Variants in DDX10 observed in about 807,000 individuals in gnomAD.
The protein encoded by DDX10 is probable ATP-dependent RNA helicase DDX10.
A neutral mutation model predicts 104.3 loss-of-function variants in DDX10; 74 were observed. The ratio of observed to expected loss-of-function variants is 0.71; its 90% CI spans 0.59 to 0.86. The LOEUF (loss-of-function observed/expected upper bound fraction) is 0.86. Ranked by LOEUF, DDX10 falls within the 40% of genes least tolerant of loss-of-function variation. DDX10 has a pLI of 0.00. For synonymous variants in DDX10, 351 were observed against 353.4 expected, an observed-to-expected ratio of 0.99 and a Z score of 0.08; for missense variants, 952 against 1,040.0, an observed-to-expected ratio of 0.92 and a Z score of 1.16.
intron 13 of DDX10, among the ~76,000 whole-genome samples, chr11:108,834,779 T>G (rs971955741): frequency 6.6e-6 from 1 of 151,628 alleles, no homozygotes; most frequent in Admixed American, 6.6e-5. Context: ...TACAAAAAAA[T>G]TAGCCGGGCG....
chr11:108,756,768 C>T (rs781764166), intron 13 of DDX10, among the ~76,000 whole-genome samples: 3 of 151,972 alleles, frequency 2.0e-5, no homozygotes, highest in Non-Finnish European at 2.9e-5. Context: ...TGTCTGTGTT[C>T]CTTGATGGTT....
At chr11:108,675,872 A>G (rs1459641576) in intron 3 of DDX10, 146 bp downstream of exon 3, 11 of 1,011,448 alleles carry the variant, frequency 1.1e-5, no homozygotes, top group African/African-American at 4.8e-5. Flanking sequence ...CAGGAGCCAC[A>G]TGTGTGTCTT....
At chr11:108,793,002 C>A (rs532622125) in intron 13 of DDX10, among the ~76,000 whole-genome samples, 2 of 152,192 alleles carry the variant, frequency 1.3e-5, no homozygotes, top group East Asian at 3.9e-4. Context: ...CTCAAAAGAT[C>A]CAAAATGACA....
At chr11:108,897,953 C>T (rs903059757) in intron 16 of DDX10, among the ~76,000 whole-genome samples, 6 of 151,950 alleles carry the variant, frequency 3.9e-5, no homozygotes, top group African/African-American at 7.3e-5. Flanking sequence ...TTCTAGGTTT[C>T]GAATAAAATT....
At chr11:108,896,412 G>T (rs924702407) in intron 16 of DDX10, among the ~76,000 whole-genome samples, 1 of 151,862 alleles carries the variant, frequency 6.6e-6, no homozygotes, top group African/African-American at 2.4e-5. Context: ...GCTTATTGTG[G>T]AAGGAATTGG....
chr11:108,811,465 C>T (rs535805737), intron 13 of DDX10, among the ~76,000 whole-genome samples: 2 of 152,188 alleles, frequency 1.3e-5, no homozygotes, highest in Non-Finnish European at 2.9e-5. Flanking sequence ...TTTCTGTCAT[C>T]TTAATTCCAT....
At chr11:108,801,020 A>G (rs1862013136) in intron 13 of DDX10, among the ~76,000 whole-genome samples, 1 of 152,234 alleles carries the variant, frequency 6.6e-6, no homozygotes, top group Non-Finnish European at 1.5e-5. Context: ...AGTTGGCAGA[A>G]CCAGACTACT....
intron 1 of DDX10, among the ~76,000 whole-genome samples, chr11:108,672,236 G>T (rs1320602260): frequency 6.6e-6 from 1 of 152,150 alleles, no homozygotes; most frequent in Admixed American, 6.5e-5. Context: ...CGCTTTGCCT[G>T]TACTGTGTCT....
intron 13 of DDX10, among the ~76,000 whole-genome samples, chr11:108,825,385 A>G (rs761461174): frequency 6.6e-6 from 1 of 152,214 alleles, no homozygotes; most frequent in Non-Finnish European, 1.5e-5. Flanking sequence ...TTAAAAAGCA[A>G]TTTCTGGAAA....
chr11:108,754,576 A>G (rs1399536285), intron 13 of DDX10, among the ~76,000 whole-genome samples: 1 of 152,046 alleles, frequency 6.6e-6, no homozygotes, highest in Non-Finnish European at 1.5e-5. Context: ...AAATGTTCCT[A>G]TGAAAAGATG....
At chr11:108,791,947 C>G (rs1347164300) in intron 13 of DDX10, among the ~76,000 whole-genome samples, 1 of 152,096 alleles carries the variant, frequency 6.6e-6, no homozygotes, top group Non-Finnish European at 1.5e-5. Context: ...ATTGCAAGCT[C>G]TTGGTATTGT....
At chr11:108,895,781 C>T (rs1167905781) in intron 16 of DDX10, among the ~76,000 whole-genome samples, 12 of 152,008 alleles carry the variant, frequency 7.9e-5, no homozygotes, top group Non-Finnish European at 1.8e-4. Context: ...CAGATACCAA[C>T]CACATATGAG....
chr11:108,895,325 T>C (rs1474227241), intron 16 of DDX10, among the ~76,000 whole-genome samples: 2 of 151,936 alleles, frequency 1.3e-5, no homozygotes, highest in Non-Finnish European at 2.9e-5. Flanking sequence ...CCTTGTGTTA[T>C]ATCCAAGTCT....
At chr11:108,788,080 T>C (rs1861820008) in intron 13 of DDX10, among the ~76,000 whole-genome samples, 1 of 152,248 alleles carries the variant, frequency 6.6e-6, no homozygotes, top group Non-Finnish European at 1.5e-5. Context: ...AACTTTCTCC[T>C]GCATCTTGAT....
At chr11:108,729,239 G>A (rs1403737410) in intron 13 of DDX10, among the ~76,000 whole-genome samples, 1 of 152,146 alleles carries the variant, frequency 6.6e-6, no homozygotes, top group Non-Finnish European at 1.5e-5. Context: ...GAGGGCCCCA[G>A]TGACACTACG....
intron 1 of DDX10, among the ~76,000 whole-genome samples, chr11:108,670,209 TAG>T (rs994694345): frequency 6.6e-6 from 1 of 151,984 alleles, no homozygotes; most frequent in Non-Finnish European, 1.5e-5. Flanking sequence ...AGACTATTGG[TAG>T]AGTCTAGGTC....
intron 16 of DDX10, among the ~76,000 whole-genome samples, chr11:108,912,823 T>G (rs954680326): frequency 2.9e-4 from 44 of 152,162 alleles, no homozygotes; most frequent in Admixed American, 2.9e-3. Flanking sequence ...TAAGCCAGAC[T>G]AAGGCATGAG....
chr11:108,825,652 G>A (rs901751686), intron 13 of DDX10, among the ~76,000 whole-genome samples: 6 of 152,170 alleles, frequency 3.9e-5, no homozygotes, highest in Non-Finnish European at 8.8e-5. Context: ...ACTTAAAAAT[G>A]AATCATGGTT....
chr11:108,767,186 T>C (rs1053570872), intron 13 of DDX10: 3 of 152,206 alleles, frequency 2.0e-5, no homozygotes, highest in Admixed American at 6.5e-5. Context: ...TCTGGACTTA[T>C]CTTACTGATT....
Sources: allele counts gnomAD v4.1 joint callset (sites outside exome capture counted in the v4.1 genomes callset), GRCh38; gene constraint gnomAD v4.1.1; transcripts MANE v1.5; gene names NCBI Gene and HGNC (gene_info 2026-07-23, HGNC 2026-07-21).